The following PACSIN1 variants were observed in gnomAD, a reference collection of about 807,000 sequenced individuals.
PACSIN1 encodes the protein protein kinase C and casein kinase substrate in neurons 1, also known as protein kinase C and casein kinase substrate in neurons protein 1.
PACSIN1 carries 15 observed loss-of-function variants against 59.5 expected under a neutral mutation model. The ratio of observed to expected loss-of-function variants is 0.25; its 90% CI spans 0.17 to 0.39. The LOEUF (loss-of-function observed/expected upper bound fraction) is 0.39, where lower values mean the gene tolerates loss of function less well. Ranked by LOEUF, PACSIN1 falls within the 10% of genes least tolerant of loss-of-function variation. The probability of loss-of-function intolerance (pLI) is 1.00; values close to 1 mark genes in which losing one functional copy is unlikely to be tolerated. For missense variants in PACSIN1, 420 were observed against 580.2 expected, an observed-to-expected ratio of 0.72 and a Z score of 2.84; for synonymous variants, 210 against 220.6, an observed-to-expected ratio of 0.95 and a Z score of 0.42.
Position 34,532,654 on chromosome 6 carries a change from A to G in PACSIN1, c.*124A>G. 1 of 655,294 alleles carries G rather than the reference A, an allele frequency of 1.5e-6. No individual in the cohort carries two copies. The highest frequency in any genetic ancestry group is 2.0e-5 in the South Asian group (1 of 51,248). 40.6% of individuals were successfully genotyped at this position (655,294 alleles called of 1,614,324 possible). Reference sequence around the variant, plus strand: ...TTCCGATCAAGCTTTTATTTTTTTAAAAGTCAAAACAGAACAAAACAAAGT... The same window carrying G: ...TTCCGATCAAGCTTTTATTTTTTTAGAAGTCAAAACAGAACAAAACAAAGT... On this transcript the variant is annotated 3_prime_UTR_variant, in exon 10 of 10. Transcript: ENST00000244458. The surrounding 1 kb of genome is among the most constrained non-coding windows in gnomAD (Gnocchi z 5.2).
chr6:34,476,675 C>T (rs1766643124), intron 1 of PACSIN1, among the ~76,000 whole-genome samples: 1 of 152,188 alleles, frequency 6.6e-6, no homozygotes, highest in South Asian at 2.1e-4. Context: ...GTGGGCCTTT[C>T]TGCCAGCCCC....
chr6:34,517,159 C>T (rs1581979888), intron 1 of PACSIN1, among the ~76,000 whole-genome samples: 1 of 152,212 alleles, frequency 6.6e-6, no homozygotes, highest in Non-Finnish European at 1.5e-5. Context: ...CCATCCTTGA[C>T]TTCTCATCTC....
At chr6:34,517,750 T>C (rs949745629) in intron 1 of PACSIN1, among the ~76,000 whole-genome samples, 13 of 152,160 alleles carry the variant, frequency 8.5e-5, no homozygotes, top group African/African-American at 3.1e-4. Context: ...CCCTGTCCCC[T>C]CCCCTGCCTT....
At chr6:34,477,968 G>T (rs1391908830) in intron 1 of PACSIN1, among the ~76,000 whole-genome samples, 2 of 148,524 alleles carry the variant, frequency 1.3e-5, no homozygotes, top group African/African-American at 5.0e-5. Flanking sequence ...GCCCGGGCTG[G>T]TCTTCAACTC....
At chr6:34,468,940 A>G (rs1014644764) in intron 1 of PACSIN1, among the ~76,000 whole-genome samples, 4 of 152,176 alleles carry the variant, frequency 2.6e-5, no homozygotes, top group Admixed American at 6.5e-5. Flanking sequence ...CTCCTCACCA[A>G]TATCAGGACA....
At chr6:34,513,698 G>A (rs1048551932) in intron 1 of PACSIN1, among the ~76,000 whole-genome samples, 1 of 152,024 alleles carries the variant, frequency 6.6e-6, no homozygotes, top group Non-Finnish European at 1.5e-5. Flanking sequence ...GGGGCTCTAG[G>A]GGGGATCTAG....
At chr6:34,472,433 G>C (rs1414435539) in intron 1 of PACSIN1, among the ~76,000 whole-genome samples, 1 of 152,180 alleles carries the variant, frequency 6.6e-6, no homozygotes, top group East Asian at 1.9e-4. Flanking sequence ...GCCTATCGCA[G>C]GGATCTGGAG....
At position 34,533,479 on chromosome 6, in the gene PACSIN1, CT is replaced by C. The variant is rs1767639281; in HGVS notation, c.*950del. 1 of 152,520 alleles carries C rather than the reference CT, an allele frequency of 6.6e-6. No individual in the cohort carries two copies. The highest frequency in any genetic ancestry group is 1.5e-5 in the Non-Finnish European group (1 of 68,280). The allele number at this position is 152,520 out of a possible 1,614,324, so 9.4% of individuals were successfully genotyped here. On this transcript the variant is annotated 3_prime_UTR_variant, in exon 10 of 10. Coordinates refer to ENST00000244458, the MANE Select transcript of PACSIN1 (RefSeq NM_020804.5). ...CTGGGGAGGAGATCATCTTGTTCCC[CT>C]GGCCCCCCACTCTCCCTCCATGTCC... is the stretch of plus-strand genomic sequence containing the variant.
intron 1 of PACSIN1, among the ~76,000 whole-genome samples, chr6:34,517,352 T>C (rs1489117016): frequency 6.6e-6 from 1 of 151,756 alleles, no homozygotes; most frequent in Non-Finnish European, 1.5e-5. Context: ...CATGGTCTGC[T>C]CTTCCCCCAG....
rs1380425958 is a variant in PACSIN1 at position 34,534,275 on chromosome 6, GC to G, written c.*1746del. On this transcript the variant is annotated 3_prime_UTR_variant, in exon 10 of 10. Transcript: ENST00000244458. ...GTCCTGACACTCTGGCAGGGCCTGA[GC>G]TGGGGCAGGCCTCCCTCAGGGCCAG... The G allele has an allele frequency of 6.6e-6, 1 of 152,410 alleles. No individual in the cohort carries two copies. Among genetic ancestry groups the G allele is most frequent in the Non-Finnish European group, 1.5e-5 (1 of 68,160 alleles). 9.4% of individuals were successfully genotyped at this position (152,410 alleles called of 1,614,324 possible). A position where few individuals can be genotyped will look rare whatever the true frequency, so the allele number is the denominator to read the frequency against.
chr6:34,490,210 C>A (rs1268059332), intron 1 of PACSIN1, among the ~76,000 whole-genome samples: 1 of 149,914 alleles, frequency 6.7e-6, no homozygotes, highest in Non-Finnish European at 1.5e-5. Flanking sequence ...ACCACCACAC[C>A]TGGCTAATTT....
At position 34,483,526 on chromosome 6, in the gene PACSIN1, A is replaced by C. The variant is rs376664160; in HGVS notation, c.-64+17256A>C. 2.0e-4 allele frequency among the ~76,000 whole-genome samples: 29 copies of C among 146,562 alleles called. No individual in the cohort carries two copies. In the East Asian group the frequency reaches 5.4e-3, roughly 27 times the overall value. ...TCCTACTGCTCCTCTAGGGGTCCTC[A>C]CCCCAGCTGGGCACATGAGCTCCAA... On this transcript the variant is annotated intron_variant, in intron 1 of 9. Coordinates refer to ENST00000244458, the MANE Select transcript of PACSIN1 (RefSeq NM_020804.5).
chr6:34,532,969 C>G lies in PACSIN1; in HGVS notation c.*439C>G, dbSNP rs1475446441. 6.3e-6 allele frequency: 1 copy of G among 157,542 alleles called. No homozygotes were observed. The highest frequency in any genetic ancestry group is 6.3e-5 in the Admixed American group (1 of 15,774). The allele number at this position is 157,542 out of a possible 1,614,324, so 9.8% of individuals were successfully genotyped here. On this transcript the variant is annotated 3_prime_UTR_variant, in exon 10 of 10. Transcript: ENST00000244458. This position sits in a 1 kb window ranked among gnomAD's most constrained non-coding sequence, Gnocchi z 5.2. ...TGCCCTGCTTCCCTTCCTCCACCACCCTGCTCTCAAAGGCCTCCTCTCCAG... is the reference window on the plus strand; with the variant it reads ...TGCCCTGCTTCCCTTCCTCCACCACGCTGCTCTCAAAGGCCTCCTCTCCAG...
intron 1 of PACSIN1, among the ~76,000 whole-genome samples, chr6:34,477,299 TGGGCAACATA>T (rs1270221609): frequency 1.3e-5 from 2 of 149,542 alleles, no homozygotes; most frequent in African/African-American, 4.9e-5. Flanking sequence ...AAGACCAACC[TGGGCAACATA>T]GGGAGATGCT....
At chr6:34,501,151 T>C (rs923984189) in intron 1 of PACSIN1, among the ~76,000 whole-genome samples, 25 of 152,254 alleles carry the variant, frequency 1.6e-4, no homozygotes, top group Non-Finnish European at 3.5e-4. Context: ...TTCAAGAACT[T>C]TTTCTTTGCA....
intron 1 of PACSIN1, among the ~76,000 whole-genome samples, chr6:34,471,513 C>T (rs1766570940): frequency 6.6e-6 from 1 of 152,022 alleles, no homozygotes; most frequent in Non-Finnish European, 1.5e-5. Context: ...AATAATAAAA[C>T]AATAGTTTTC....
At chr6:34,482,490 A>G (rs1256545984) in intron 1 of PACSIN1, among the ~76,000 whole-genome samples, 3 of 152,184 alleles carry the variant, frequency 2.0e-5, no homozygotes, top group East Asian at 1.9e-4. Flanking sequence ...TTGCATGAAT[A>G]TACTACATTT....
chr6:34,528,928 G>C (rs1317906528), intron 4 of PACSIN1, 51 bp downstream of exon 4: 1 of 1,385,246 alleles, frequency 7.2e-7, no homozygotes, highest in African/African-American at 1.4e-5. Flanking sequence ...CGTCTGATCA[G>C]AGGGTGCTGA....
intron 1 of PACSIN1, among the ~76,000 whole-genome samples, chr6:34,497,281 A>G (rs1017447140): frequency 5.9e-5 from 9 of 152,162 alleles, no homozygotes; most frequent in Middle Eastern, 3.4e-3. Context: ...GTTGAGATTA[A>G]AGGAGATAAT....
Sources: gnomAD v4.1 joint callset for allele counts (sites outside exome capture counted in the v4.1 genomes callset) on GRCh38, gnomAD v4.1.1 for gene constraint, Gnocchi (gnomAD v3.1) non-coding constraint, MANE v1.5 for transcripts, NCBI Gene and HGNC (gene_info 2026-07-23, HGNC 2026-07-21) for gene names.